RNF144A: variants seen among roughly 807,000 people sequenced by gnomAD.
The protein encoded by RNF144A is ring finger protein 144A.
RNF144A carries 11 observed loss-of-function variants against 38.7 expected under a neutral mutation model. The observed-to-expected ratio is 0.28, with a 90% CI of 0.18 to 0.47. RNF144A has a LOEUF of 0.47. RNF144A is among the 20% of genes least tolerant of loss of function. The probability of loss-of-function intolerance (pLI) is 0.99; values close to 1 mark genes in which losing one functional copy is unlikely to be tolerated. For synonymous variants in RNF144A, 149 were observed against 143.9 expected (o/e 1.04, Z -0.25); for missense variants, 316 against 377.2 (o/e 0.84, Z 1.34).
At chr2:6,981,345 A>T (rs541619993) in intron 2 of RNF144A, among the ~76,000 whole-genome samples, 16 of 151,460 alleles carry the variant, frequency 1.1e-4, no homozygotes, top group South Asian at 1.0e-3. Flanking sequence ...TTTTTTTTTT[A>T]AAACATAAGT....
At chr2:7,062,452 C>A (rs1673995640) in intron 6 of RNF144A, among the ~76,000 whole-genome samples, 1 of 133,106 alleles carries the variant, frequency 7.5e-6, no homozygotes, top group Admixed American at 8.3e-5. Context: ...TAACGGAGGT[C>A]ATGTAATCAA....
At chr2:7,003,155 T>A (rs1031591745) in intron 3 of RNF144A, among the ~76,000 whole-genome samples, 2 of 152,162 alleles carry the variant, frequency 1.3e-5, no homozygotes, top group African/African-American at 4.8e-5. Flanking sequence ...CTAAATGTTA[T>A]GAGAATAAAA....
intron 2 of RNF144A, among the ~76,000 whole-genome samples, chr2:6,948,684 C>T (rs1666491759): frequency 1.3e-5 from 2 of 152,186 alleles, no homozygotes; most frequent in Admixed American, 1.3e-4. Context: ...ATTAGAACAT[C>T]TTGGAAAATA....
At chr2:7,027,131 C>G (rs1052515323) in intron 7 of RNF144A, among the ~76,000 whole-genome samples, 16 of 152,202 alleles carry the variant, frequency 1.1e-4, no homozygotes, top group African/African-American at 3.9e-4. Flanking sequence ...TGCTTTCTGG[C>G]ACATGCAGAC....
chr2:7,053,490 C>T (rs1360137776), intron 6 of RNF144A, among the ~76,000 whole-genome samples: 1 of 152,124 alleles, frequency 6.6e-6, no homozygotes, highest in Admixed American at 6.6e-5. Context: ...TTTTCAAGTT[C>T]TTTCCATTTG....
downstream of RNF144A, among the ~76,000 whole-genome samples, chr2:7,048,464 A>G (rs1019272795): frequency 6.6e-6 from 1 of 152,142 alleles, no homozygotes; most frequent in Non-Finnish European, 1.5e-5. Context: ...ATAACAAACA[A>G]CGAGCAGACC....
At chr2:6,990,160 C>G (rs1669237550) in intron 2 of RNF144A, among the ~76,000 whole-genome samples, 1 of 152,052 alleles carries the variant, frequency 6.6e-6, no homozygotes, top group Non-Finnish European at 1.5e-5. Flanking sequence ...GTTCTGGAGG[C>G]TGGAAGTCTG....
At chr2:7,019,266 G>GTA (rs1558436858) in intron 5 of RNF144A, among the ~76,000 whole-genome samples, 1 of 152,206 alleles carries the variant, frequency 6.6e-6, no homozygotes, top group Non-Finnish European at 1.5e-5. Context: ...ACGTATGCGT[G>GTA]TGCACCGTCA....
intron 2 of RNF144A, among the ~76,000 whole-genome samples, chr2:6,953,737 G>A (rs1666828755): frequency 6.6e-6 from 1 of 152,040 alleles, no homozygotes; most frequent in African/African-American, 2.4e-5. Context: ...TATTGGTTCT[G>A]GGTTTTTACA....
chr2:7,021,405 C>T (rs759102300), intron 6 of RNF144A, among the ~76,000 whole-genome samples: 4 of 152,138 alleles, frequency 2.6e-5, no homozygotes, highest in Non-Finnish European at 5.9e-5. Flanking sequence ...ATTCCACCGT[C>T]CCCAGCTCCT....
At chr2:7,020,093 C>G (rs570730166) in intron 5 of RNF144A, among the ~76,000 whole-genome samples, 1 of 152,180 alleles carries the variant, frequency 6.6e-6, no homozygotes, top group African/African-American at 2.4e-5. Context: ...GAGCTAGCGC[C>G]ATGTGCATTG....
At chr2:7,037,287 T>C (rs1572458429) in intron 8 of RNF144A, among the ~76,000 whole-genome samples, 1 of 152,096 alleles carries the variant, frequency 6.6e-6, no homozygotes. Context: ...AGAGACGAGG[T>C]AGACTGAGTG....
chr2:6,922,626 CTTTTTTT>C (rs1209204554), intron 1 of RNF144A, among the ~76,000 whole-genome samples: 3 of 136,958 alleles, frequency 2.2e-5, no homozygotes, highest in South Asian at 2.3e-4. Context: ...TCTTGTTTTT[CTTTTTTT>C]TTTTTTTTTG....
intron 2 of RNF144A, among the ~76,000 whole-genome samples, chr2:6,956,866 T>G (rs1413153775): frequency 2.0e-5 from 3 of 152,336 alleles, no homozygotes. Context: ...GCAGCAAAGT[T>G]CTGACTGCTT....
At chr2:6,953,344 G>T (rs1666805283) in intron 2 of RNF144A, among the ~76,000 whole-genome samples, 1 of 152,116 alleles carries the variant, frequency 6.6e-6, no homozygotes, top group East Asian at 1.9e-4. Context: ...CAGGAGAATT[G>T]CTTGAACCCA....
At chr2:7,010,093 A>G (rs1364696752) in intron 3 of RNF144A, among the ~76,000 whole-genome samples, 1 of 152,232 alleles carries the variant, frequency 6.6e-6, no homozygotes, top group South Asian at 2.1e-4. Flanking sequence ...CAGACCATGG[A>G]TTATTGATGG....
intron 2 of RNF144A, among the ~76,000 whole-genome samples, chr2:6,976,845 G>T (rs991827723): frequency 2.6e-5 from 4 of 152,020 alleles, no homozygotes; most frequent in African/African-American, 9.6e-5. Context: ...AAGGCTATTG[G>T]TTAATCCTGC....
intron 1 of RNF144A, among the ~76,000 whole-genome samples, chr2:6,939,617 T>TA (rs1293853362): frequency 1.3e-5 from 2 of 152,228 alleles, no homozygotes; most frequent in Non-Finnish European, 2.9e-5. Context: ...TTTGAGCTTT[T>TA]AGCACCATAT....
chr2:7,011,911 T>C (rs1433262898), intron 3 of RNF144A, among the ~76,000 whole-genome samples: 1 of 152,202 alleles, frequency 6.6e-6, no homozygotes, highest in East Asian at 1.9e-4. Flanking sequence ...TTGCAGATTG[T>C]ACAGATAGCT....
Sources: allele counts gnomAD v4.1 joint callset (sites outside exome capture counted in the v4.1 genomes callset), GRCh38; gene constraint gnomAD v4.1.1; transcripts MANE v1.5; gene names NCBI Gene and HGNC (gene_info 2026-07-23, HGNC 2026-07-21).